ZGRF1: variants seen among roughly 807,000 people sequenced by gnomAD.
The protein encoded by ZGRF1 is 5'-3' DNA helicase ZGRF1.
In ZGRF1, 196 loss-of-function variants were observed where a neutral mutation model predicts 203.5. The ratio of observed to expected loss-of-function variants is 0.96; its 90% CI spans 0.86 to 1.08. The LOEUF is 1.08. Ranked by LOEUF, ZGRF1 falls within the 50% of genes least tolerant of loss-of-function variation. The pLI, the probability that ZGRF1 is intolerant of heterozygous loss-of-function variation, is 0.00. For synonymous variants in ZGRF1, 809 were observed against 841.3 expected (o/e 0.96, Z 0.66); for missense variants, 2,326 against 2,416.3 (o/e 0.96, Z 0.78).
intron 16 of ZGRF1, among the ~76,000 whole-genome samples, chr4:112,581,454 A>T (rs1026176587): frequency 1.3e-4 from 19 of 151,496 alleles, no homozygotes; most frequent in African/African-American, 3.9e-4. Flanking sequence ...AATAAATAAA[A>T]AAATAAAAAT....
chr4:112,614,136 G>T (rs2046784902), intron 6 of ZGRF1, among the ~76,000 whole-genome samples: 1 of 150,882 alleles, frequency 6.6e-6, no homozygotes, highest in East Asian at 2.1e-4. Context: ...TTCTAAATTG[G>T]TGGCAAAATT....
At position 112,553,915 on chromosome 4, in the gene ZGRF1, G is replaced by C. The variant is rs7674697; in HGVS notation, c.5266C>G (p.Leu1756Val). The C allele has an allele frequency of 6.2e-7, 1 of 1,613,442 alleles. No individual in the cohort carries two copies. Among genetic ancestry groups the C allele is most frequent in the Non-Finnish European group, 8.5e-7 (1 of 1,179,648 alleles). ...KELHALMKED[L>V]TPTERVYVRK... ...ACATAGACTCTTTCCGTAGGAGTCA[G>C]GTCTTCTTTCATTAGTGCATGTAGT... Residue 1756 changes from leucine to valine, a missense_variant, in exon 22 of 28, where the codon CTG becomes GTG. Physicochemically the swap from Leu to Val is conservative, Grantham distance 32. Coordinates refer to ENST00000505019, the MANE Select transcript of ZGRF1 (RefSeq NM_018392.5).
At position 112,617,835 on chromosome 4, in the gene ZGRF1, T is replaced by C. The variant is rs755392339; in HGVS notation, c.2207A>G (p.Asn736Ser). The change falls in exon 6 of 28, where the codon AAC becomes AGC. Residue 736 changes from asparagine to serine, a missense_variant. Physicochemically the swap from Asn to Ser is conservative, Grantham distance 46. Coordinates refer to ENST00000505019, the MANE Select transcript of ZGRF1 (RefSeq NM_018392.5). Reference sequence around the variant, plus strand: ...ATTGGTATTTAATAGTTGGACACTGTTGTCACTACTAGAAGTTGAGGGTAA... The same window carrying C: ...ATTGGTATTTAATAGTTGGACACTGCTGTCACTACTAGAAGTTGAGGGTAA... ...HVLPSTSSSD[N>S]SVQLLNTNQN... 7.4e-6 allele frequency: 12 copies of C among 1,614,038 alleles called. No individual in the cohort carries two copies. The Admixed American group carries it at 1.3e-4, about 18-fold the overall frequency.
intron 1 of ZGRF1, among the ~76,000 whole-genome samples, chr4:112,634,649 C>T (rs1446272990): frequency 1.4e-5 from 2 of 141,796 alleles, no homozygotes; most frequent in Non-Finnish European, 3.1e-5. Context: ...AAAACTGTCT[C>T]AAAAAAAAAA....
intron 10 of ZGRF1, among the ~76,000 whole-genome samples, chr4:112,595,181 A>G (rs1322741936): frequency 6.6e-6 from 1 of 152,166 alleles, no homozygotes; most frequent in Non-Finnish European, 1.5e-5. Context: ...TCTATAGCAC[A>G]GGCAACAGTT....
rs751682430 is a variant in ZGRF1, at chr4:112,560,856, G to A, written c.4837C>T (p.His1613Tyr). 5 of 1,613,724 alleles carry A rather than the reference G, an allele frequency of 3.1e-6. No homozygotes were observed. The highest frequency in any genetic ancestry group is 1.7e-5 in the Admixed American group (1 of 60,008). Residue 1613 changes from histidine to tyrosine, a missense_variant, in exon 19 of 28, where the codon CAC becomes TAC. By Grantham distance (83) the His-to-Tyr change is moderately conservative (BLOSUM62 2). Transcript: ENST00000505019. ...LKLASELIQV[H>Y]KLNKDQATAL... Reference sequence around the variant, plus strand: ...GTAGCTTGATCCTTGTTTAACTTGTGTACCTGAATCAACTCACTAGCTAAC... The same window carrying A: ...GTAGCTTGATCCTTGTTTAACTTGTATACCTGAATCAACTCACTAGCTAAC...
chr4:112,587,534 C>A lies in ZGRF1; in HGVS notation c.3523G>T (p.Ala1175Ser). The A allele has an allele frequency of 6.2e-7, 1 of 1,613,872 alleles. No individual in the cohort carries two copies. Among genetic ancestry groups the A allele is most frequent in the East Asian group, 2.2e-5 (1 of 44,878 alleles). The change falls in exon 12 of 28, where the codon GCT becomes TCT. Residue 1175 changes from alanine (A) to serine (S), a missense_variant. Ala to Ser is a moderately conservative substitution (Grantham distance 99, BLOSUM62 1). Transcript: ENST00000505019. The stretch of plus-strand genomic sequence containing the variant: ...TCTCTAAAATGCATCCCAGAAACAG[C>A]CTCAGCAAAGAAGCCATCAGTTATT... ...KRITDGFFAE[A>S]VSGMHFRDTS...
At chr4:112,622,291 C>T (rs968760703) in intron 4 of ZGRF1, among the ~76,000 whole-genome samples, 1 of 150,990 alleles carries the variant, frequency 6.6e-6, no homozygotes, top group Non-Finnish European at 1.5e-5. Flanking sequence ...GGCCAAGGCA[C>T]GTGGATCACT....
chr4:112,585,551 C>T lies in ZGRF1; in HGVS notation c.4091G>A (p.Gly1364Asp), dbSNP rs775220306. 11 of 1,608,854 alleles carry T rather than the reference C, an allele frequency of 6.8e-6. No individual in the cohort carries two copies. Among genetic ancestry groups the T allele is most frequent in the Middle Eastern group, 1.7e-4 (1 of 6,054 alleles). The stretch of plus-strand genomic sequence containing the variant: ...GGGAAGCAAGAATACCTTATTTGGA[C>T]CTTCCTTTTTAACCATGACAAGTTT... Reference protein sequence around the residue: ...PAKLVMVKKEGPNKGRLFYTC... With the variant: ...PAKLVMVKKEDPNKGRLFYTC... Residue 1364 changes from glycine to aspartate, a missense_variant, in exon 14 of 28, where the codon GGT becomes GAT. By Grantham distance (94) the Gly-to-Asp change is moderately conservative. Transcript: ENST00000505019.
Position 112,605,945 on chromosome 4 carries a change from T to C in ZGRF1, c.2802+63A>G, listed in dbSNP as rs1750711117. 1.7e-5 allele frequency: 19 copies of C among 1,090,344 alleles called. 1 individual carries two copies. The highest frequency in any genetic ancestry group is 2.2e-4 in the Middle Eastern group (1 of 4,520). The allele number at this position is 1,090,344 out of a possible 1,614,324, so 67.5% of individuals were successfully genotyped here. On this transcript the variant is annotated intron_variant, in intron 9 of 27. Coordinates refer to ENST00000505019, the MANE Select transcript of ZGRF1 (RefSeq NM_018392.5). The stretch of plus-strand genomic sequence containing the variant: ...CTCTGATACTTGTTTTTTTGTTTTT[T>C]TGTTTTAAACAGAAAAGAAAATGTA...
Position 112,633,203 on chromosome 4 carries a change from T to C in ZGRF1, c.-27A>G, listed in dbSNP as rs375158138. 5 of 1,596,690 alleles carry C rather than the reference T, an allele frequency of 3.1e-6. No individual in the cohort carries two copies. Among genetic ancestry groups the C allele is most frequent in the African/African-American group, 1.3e-5 (1 of 74,480 alleles). On this transcript the variant is annotated 5_prime_UTR_variant, in exon 2 of 28. Coordinates refer to ENST00000505019, the MANE Select transcript of ZGRF1 (RefSeq NM_018392.5). Reference sequence around the variant, plus strand: ...ATTTCTTCTGAAGTTATAAACCAGCTGGGTCCAGAAAATAGGAAATATTCA... The same window carrying C: ...ATTTCTTCTGAAGTTATAAACCAGCCGGGTCCAGAAAATAGGAAATATTCA...
chr4:112,541,128 T>C lies in ZGRF1; in HGVS notation c.5739A>G (p.Pro1913=), dbSNP rs1344596095. The change falls in exon 25 of 28, where the codon CCA becomes CCG. Residue 1913 remains proline (P), a synonymous_variant. Transcript: ENST00000505019. ...CTTTAACATTATAAAAACACAGGGT[T>C]GGTAGCCATTCCAATAAAGGGCTCC... ...IERSPLLEWL[P]TLCFYNVKGL... 6.2e-7 allele frequency: 1 copy of C among 1,605,428 alleles called. No individual in the cohort carries two copies. The highest frequency in any genetic ancestry group is 8.5e-7 in the Non-Finnish European group (1 of 1,175,484).
chr4:112,569,966 A>C (rs1465909122), intron 16 of ZGRF1, among the ~76,000 whole-genome samples: 2 of 152,186 alleles, frequency 1.3e-5, no homozygotes, highest in Non-Finnish European at 2.9e-5. Context: ...ATGATGATGT[A>C]AGTTTACCCT....
intron 16 of ZGRF1, among the ~76,000 whole-genome samples, chr4:112,581,045 T>C (rs1746145490): frequency 6.6e-6 from 1 of 151,912 alleles, no homozygotes; most frequent in Non-Finnish European, 1.5e-5. Flanking sequence ...CCATCAGTGA[T>C]AGACTGGATT....
chr4:112,554,034 C>A, intron 21 of ZGRF1, 52 bp from the exon 22 acceptor site: 1 of 1,473,846 alleles, frequency 6.8e-7, no homozygotes. Flanking sequence ...CATAACATCA[C>A]AGTAAAGCAA....
At chr4:112,596,322 C>T (rs2149064894) in intron 10 of ZGRF1, among the ~76,000 whole-genome samples, 1 of 152,252 alleles carries the variant, frequency 6.6e-6, no homozygotes, top group Admixed American at 6.5e-5. Context: ...AAGAAGTAAA[C>T]TGATTTGCCC....
Position 112,617,465 on chromosome 4 carries a change from C to T in ZGRF1, c.2577G>A (p.Thr859=), listed in dbSNP as rs888018700. ...CTTCAGGAGGGCTATCTGGCTCATA[C>T]GTCTGTTGAGTTCCTTGCTGAAAGA... ...NTVFQQGTQQ[T]YEPDSPPEVR... is the part of the protein sequence containing the mutation. Residue 859 remains threonine, a synonymous_variant, in exon 6 of 28, where the codon ACG becomes ACA. Transcript: ENST00000505019. The T allele has an allele frequency of 4.5e-6, 7 of 1,568,960 alleles. No individual in the cohort carries two copies. Among genetic ancestry groups the T allele is most frequent in the Middle Eastern group, 1.7e-4 (1 of 5,736 alleles).
Position 112,569,317 on chromosome 4 carries a change from C to A in ZGRF1, c.4439-6043G>T, listed in dbSNP as rs559735968. Among the ~76,000 whole-genome samples the A allele has an allele frequency of 1.8e-4, 28 of 152,262 alleles. No individual in the cohort carries two copies. In the South Asian group the frequency reaches 5.4e-3, roughly 29 times the overall value. ...CAAGAAGCTTGTGCTAGAATATAAT[C>A]CAATAAATCAACATAATGCTTCCTT... is the stretch of plus-strand genomic sequence containing the variant. On this transcript the variant is annotated intron_variant, in intron 16 of 27. Coordinates refer to ENST00000505019, the MANE Select transcript of ZGRF1 (RefSeq NM_018392.5).
intron 3 of ZGRF1, among the ~76,000 whole-genome samples, chr4:112,629,373 A>T (rs1253637718): frequency 6.6e-6 from 1 of 152,262 alleles, no homozygotes; most frequent in Non-Finnish European, 1.5e-5. Context: ...AGGTAATCCG[A>T]TATTTAAAAT....
Sources: gnomAD v4.1 joint callset for allele counts (sites outside exome capture counted in the v4.1 genomes callset) on GRCh38, gnomAD v4.1.1 for gene constraint, MANE v1.5 for transcripts, NCBI Gene and HGNC (gene_info 2026-07-23, HGNC 2026-07-21) for gene names.